PRAG1: variants seen among roughly 807,000 people sequenced by gnomAD.
PRAG1 encodes PEAK1 related, kinase-activating pseudokinase 1.
Under a neutral mutation model 95.6 loss-of-function variants are expected in PRAG1, and 110 were observed. That is an observed-to-expected ratio of 1.15 (90% CI 0.99 to 1.35). PRAG1 has a LOEUF of 1.35. Among genes scored for constraint, PRAG1 ranks in the 40% most tolerant of loss-of-function variants. PRAG1 has a pLI of 0.00. For synonymous variants in PRAG1, 1,052 were observed against 819.4 expected, an observed-to-expected ratio of 1.28 and a Z score of -4.85; for missense variants, 2,554 against 1,864.7, an observed-to-expected ratio of 1.37 and a Z score of -6.81.
chr8:8,318,882 CG>C lies in PRAG1; in HGVS notation c.3492del (p.Ala1165ProfsTer54). 7.9e-7 allele frequency: 1 copy of C among 1,265,118 alleles called. No individual in the cohort carries two copies. Among genetic ancestry groups the C allele is most frequent in the Non-Finnish European group, 1.0e-6 (1 of 975,724 alleles). The allele number at this position is 1,265,118 out of a possible 1,614,324, so 78.4% of individuals were successfully genotyped here. ...VHCTLQAGPG[P>X]APAPAPAPAP... ...GCGGGAGCCGGGGCGGGGGCGGGGG[CG>C]GGCCCGGGGCCGGCCTGGAGGGTGC... On this transcript the variant is annotated frameshift_variant, in exon 6 of 6. Transcript: ENST00000615670. LOFTEE classifies it high-confidence loss of function. This position sits in a 1 kb window ranked among gnomAD's most constrained non-coding sequence, Gnocchi z 4.2.
At chr8:8,384,920 G>A (rs565087860) in intron 1 of PRAG1, among the ~76,000 whole-genome samples, 1 of 152,206 alleles carries the variant, frequency 6.6e-6, no homozygotes, top group Non-Finnish European at 1.5e-5. Context: ...TGAAAAAAAT[G>A]TCTTTGCCTC....
chr8:8,343,532 T>G (rs1400662032), intron 3 of PRAG1, among the ~76,000 whole-genome samples: 1 of 152,260 alleles, frequency 6.6e-6, no homozygotes, highest in Non-Finnish European at 1.5e-5. Context: ...TTGTGAAACT[T>G]TGTTTTGTAA....
At chr8:8,366,611 G>A (rs751894486) in intron 3 of PRAG1, among the ~76,000 whole-genome samples, 1 of 151,980 alleles carries the variant, frequency 6.6e-6, no homozygotes, top group Non-Finnish European at 1.5e-5. Context: ...ACTGAGCCCA[G>A]CTGGGAACTC....
Position 8,370,874 on chromosome 8 carries a change from G to T in PRAG1, c.2162+5373C>A, listed in dbSNP as rs543411513. On this transcript the variant is annotated intron_variant, in intron 3 of 5. Transcript: ENST00000615670. ...AATTAAGAGTGAGCAAAAGACCGGG[G>T]GCTGTAGCTCACACCTGTAATCCCA... Among the ~76,000 whole-genome samples the T allele has an allele frequency of 2.6e-5, 4 of 152,160 alleles. No individual in the cohort carries two copies. The East Asian group carries it at 7.8e-4, about 29-fold the overall frequency.
At chr8:8,331,847 C>G (rs922269378) in intron 4 of PRAG1, among the ~76,000 whole-genome samples, 16 of 152,188 alleles carry the variant, frequency 1.1e-4, no homozygotes, top group African/African-American at 3.9e-4. Flanking sequence ...AGATCTACAC[C>G]GTATCACTAC....
intron 4 of PRAG1, among the ~76,000 whole-genome samples, chr8:8,329,307 C>T (rs751147528): frequency 3.3e-5 from 5 of 151,962 alleles, no homozygotes; most frequent in Admixed American, 6.6e-5. Context: ...GCAGGAGAAT[C>T]GCTTGAGCCC....
chr8:8,367,048 G>A (rs538648745), intron 3 of PRAG1, among the ~76,000 whole-genome samples: 1 of 152,136 alleles, frequency 6.6e-6, no homozygotes, highest in South Asian at 2.1e-4. Context: ...ACATGTATCT[G>A]CACCCCCACC....
At chr8:8,334,919 T>C (rs1354658547) in intron 4 of PRAG1, among the ~76,000 whole-genome samples, 1 of 151,894 alleles carries the variant, frequency 6.6e-6, no homozygotes. Context: ...TCGTCTCTAC[T>C]AAAAATAGAA....
At chr8:8,355,332 C>T (rs946195913) in intron 3 of PRAG1, among the ~76,000 whole-genome samples, 2 of 152,074 alleles carry the variant, frequency 1.3e-5, no homozygotes, top group African/African-American at 4.8e-5. Flanking sequence ...GAAATGTCCA[C>T]ACCACCAAAA....
At chr8:8,373,344 G>A (rs1275739883) in intron 3 of PRAG1, among the ~76,000 whole-genome samples, 1 of 152,106 alleles carries the variant, frequency 6.6e-6, no homozygotes, top group Non-Finnish European at 1.5e-5. Flanking sequence ...TGTCAGTAAT[G>A]CTTGAGAAAT....
chr8:8,337,597 C>G (rs1016585888), intron 4 of PRAG1, among the ~76,000 whole-genome samples: 2 of 152,136 alleles, frequency 1.3e-5, no homozygotes. Flanking sequence ...ATGGTTGGCT[C>G]TCAGGGGCTA....
At chr8:8,329,417 G>C (rs1024245245) in intron 4 of PRAG1, among the ~76,000 whole-genome samples, 1 of 151,778 alleles carries the variant, frequency 6.6e-6, no homozygotes, top group African/African-American at 2.4e-5. Flanking sequence ...ATGGGTTGCA[G>C]CCCTAAGGAA....
chr8:8,386,253 G>C (rs1229082275), intron 1 of PRAG1, 68 bp downstream of exon 1: 2 of 152,216 alleles, frequency 1.3e-5, no homozygotes, highest in African/African-American at 4.8e-5. Flanking sequence ...CCCCTCCAAA[G>C]CTCCCCTCTG....
At chr8:8,370,127 G>A (rs1464947834) in intron 3 of PRAG1, among the ~76,000 whole-genome samples, 1 of 152,182 alleles carries the variant, frequency 6.6e-6, no homozygotes, top group Non-Finnish European at 1.5e-5. Flanking sequence ...CTTAAATGTT[G>A]AATACATACT....
chr8:8,355,048 G>A (rs1173189139), intron 3 of PRAG1, among the ~76,000 whole-genome samples: 2 of 151,698 alleles, frequency 1.3e-5, no homozygotes, highest in South Asian at 4.2e-4. Context: ...ACCAAAAAAA[G>A]AACTAAAATG....
chr8:8,381,838 G>T lies in PRAG1; in HGVS notation c.-87-4C>A. ...AGGTGGGTCACAGAGCGGCTTCCTA[G>T]AAAGGCAGGACAGTTTCCTGATTAG... On this transcript the variant is annotated splice_polypyrimidine_tract_variant and splice_region_variant and intron_variant, in intron 1 of 5. Coordinates refer to ENST00000615670, the MANE Select transcript of PRAG1 (RefSeq NM_001080826.3). 9.8e-7 allele frequency: 1 copy of T among 1,022,524 alleles called. No homozygotes were observed. The highest frequency in any genetic ancestry group is 1.4e-6 in the Non-Finnish European group (1 of 715,042). The allele number at this position is 1,022,524 out of a possible 1,614,324, so 63.3% of individuals were successfully genotyped here. A position where few individuals can be genotyped will look rare whatever the true frequency, so the allele number is the denominator to read the frequency against.
At chr8:8,364,498 G>C (rs1370272786) in intron 3 of PRAG1, among the ~76,000 whole-genome samples, 1 of 152,090 alleles carries the variant, frequency 6.6e-6, no homozygotes, top group African/African-American at 2.4e-5. Flanking sequence ...TCCTTAATTT[G>C]ATGAAGTCAA....
At chr8:8,339,191 G>A (rs1799088394) in intron 4 of PRAG1, among the ~76,000 whole-genome samples, 1 of 152,192 alleles carries the variant, frequency 6.6e-6, no homozygotes, top group African/African-American at 2.4e-5. Flanking sequence ...CCTGTACACA[G>A]ATGGCTCATT....
intron 4 of PRAG1, among the ~76,000 whole-genome samples, chr8:8,333,334 G>C (rs754126653): frequency 2.0e-5 from 3 of 152,182 alleles, no homozygotes; most frequent in Non-Finnish European, 4.4e-5. Context: ...CCTGGCTATA[G>C]AGTACAACAC....
Sources: allele counts gnomAD v4.1 joint callset (sites outside exome capture counted in the v4.1 genomes callset), GRCh38; gene constraint gnomAD v4.1.1; non-coding constraint Gnocchi (gnomAD v3.1); transcripts MANE v1.5; gene names NCBI Gene and HGNC (gene_info 2026-07-23, HGNC 2026-07-21).